Variants in BTBD8 observed in about 807,000 individuals in gnomAD.
BTBD8 encodes the protein BTB/POZ domain-containing protein 8.
In BTBD8, 110 loss-of-function variants were observed where a neutral mutation model predicts 162.9. The observed-to-expected ratio is 0.68, with a 90% CI of 0.58 to 0.79. The LOEUF (loss-of-function observed/expected upper bound fraction) is 0.79. BTBD8 is among the 30% of genes least tolerant of loss of function. The pLI, the probability that BTBD8 is intolerant of heterozygous loss-of-function variation, is 0.00. For synonymous variants in BTBD8, 667 were observed against 716.1 expected (o/e 0.93, Z 1.10); for missense variants, 1,905 against 2,085.4 (o/e 0.91, Z 1.68).
Position 92,141,181 on chromosome 1 carries a change from A to T in BTBD8, c.900A>T (p.Leu300Phe), listed in dbSNP as rs1374327222. The change falls in exon 7 of 18, where the codon TTA becomes TTT. Residue 300 changes from leucine to phenylalanine, a missense_variant. Physicochemically the swap from Leu to Phe is conservative, Grantham distance 22. Coordinates refer to ENST00000636805, the MANE Select transcript of BTBD8 (RefSeq NM_001376131.1). ...EGLKEVAIYILRRDYCNFFQK... is the reference protein window; with the variant it reads ...EGLKEVAIYIFRRDYCNFFQK... ...TAAAAGAAGTAGCAATCTATATTTT[A>T]AGAAGAGATTACTGTAATTTCTTTC... is the stretch of plus-strand genomic sequence containing the variant. The T allele has an allele frequency of 6.3e-7, 1 of 1,585,760 alleles. No individual in the cohort carries two copies. The highest frequency in any genetic ancestry group is 8.6e-7 in the Non-Finnish European group (1 of 1,163,540).
chr1:92,179,647 A>G (rs1650828581), intron 16 of BTBD8, among the ~76,000 whole-genome samples: 4 of 152,204 alleles, frequency 2.6e-5, no homozygotes, highest in Admixed American at 6.5e-5. Flanking sequence ...GACTTTCACC[A>G]GTATAAACAA....
Position 92,088,718 on chromosome 1 carries a change from A to G in BTBD8, c.170A>G (p.His57Arg), listed in dbSNP as rs1352991500. Reference protein sequence around the residue: ...DLLRLLREEFHTDVTFSVGCT... With the variant: ...DLLRLLREEFRTDVTFSVGCT... ...TATAGGCTTCTAAGGGAAGAATTCC[A>G]TACAGATGTTACCTTCTCTGTGGGT... The change falls in exon 2 of 18, where the codon CAT becomes CGT. Residue 57 changes from histidine to arginine, a missense_variant. Coordinates refer to ENST00000636805, the MANE Select transcript of BTBD8 (RefSeq NM_001376131.1). 2.5e-6 allele frequency: 4 copies of G among 1,607,322 alleles called. No homozygotes were observed. The highest frequency in any genetic ancestry group is 1.7e-6 in the Non-Finnish European group (2 of 1,176,782).
rs75212872 is a variant in BTBD8 at position 92,183,941 on chromosome 1, T to A, written c.4990T>A (p.Tyr1664Asn). The part of the protein sequence containing the change: ...HRPSKTLSPI[Y>N]EMDVIEAFEQ... ...GCCTTCAAAAACCCTGTCTCCAATA[T>A]ATGAGATGGATGTAATAGAAGCATT... Residue 1664 changes from tyrosine to asparagine, a missense_variant, in exon 18 of 18, where the codon TAT becomes AAT. Physicochemically the swap from Tyr to Asn is moderately radical, Grantham distance 143. Coordinates refer to ENST00000636805, the MANE Select transcript of BTBD8 (RefSeq NM_001376131.1). The A allele has an allele frequency of 2.1e-4, 327 of 1,551,614 alleles. No homozygotes were observed. The highest frequency in any genetic ancestry group is 2.7e-4 in the Non-Finnish European group (310 of 1,146,864).
At chr1:92,138,633 G>A (rs143205208) in intron 5 of BTBD8, among the ~76,000 whole-genome samples, 50 of 152,334 alleles carry the variant, frequency 3.3e-4, no homozygotes, top group African/African-American at 8.7e-4. Flanking sequence ...CCTCCCAACT[G>A]ATAACCAGTT....
intron 6 of BTBD8, chr1:92,139,930 T>TAA (rs1649728390): frequency 1.5e-3 from 4 of 2,728 alleles, no homozygotes; most frequent in South Asian, 9.6e-3. Context: ...CTACTAAAAA[T>TAA]ACAAAAAAAA....
intron 8 of BTBD8, 87 bp from the exon 9 acceptor site, chr1:92,147,595 TAC>T: frequency 1.1e-6 from 1 of 918,364 alleles, no homozygotes; most frequent in South Asian, 1.6e-5. Flanking sequence ...CATATATATG[TAC>T]AGTTATGTAA....
rs137986561 is a variant in BTBD8, at chr1:92,153,721, A to G, written c.1122+5935A>G. 9.7e-4 allele frequency among the ~76,000 whole-genome samples: 148 copies of G among 152,336 alleles called. 3 individuals carry two copies. The East Asian group carries it at 0.027, about 28-fold the overall frequency. On this transcript the variant is annotated intron_variant, in intron 9 of 17. Transcript: ENST00000636805. ...TAAAGAATGAATAATGTTCTGCTATATGTATACACCACATTTTCTTTATCC... is the reference window on the plus strand; with the variant it reads ...TAAAGAATGAATAATGTTCTGCTATGTGTATACACCACATTTTCTTTATCC...
At chr1:92,091,316 G>T (rs935316077) in intron 2 of BTBD8, among the ~76,000 whole-genome samples, 1 of 152,084 alleles carries the variant, frequency 6.6e-6, no homozygotes. Flanking sequence ...TAAGTTTCAT[G>T]AGGCCTCCCC....
In BTBD8 at chr1:92,141,157, A is replaced by G; in HGVS notation, c.876A>G (p.Leu292=). 1.3e-6 allele frequency: 2 copies of G among 1,583,732 alleles called. No homozygotes were observed. Among genetic ancestry groups the G allele is most frequent in the South Asian group, 1.1e-5 (1 of 88,210 alleles). Residue 292 remains leucine (L), a synonymous_variant, in exon 7 of 18, where the codon TTA becomes TTG. Transcript: ENST00000636805. ...CTGATATGTATGGACTAGAAGGATT[A>G]AAAGAAGTAGCAATCTATATTTTAA... ...NMADMYGLEG[L]KEVAIYILRR...
Position 92,143,753 on chromosome 1 carries a change from C to G in BTBD8, c.930+2542C>G, listed in dbSNP as rs1649834872. ...TCTTGAACTCCTGACCTCAGGTGATCCACCCACCTTGCCCTCCCAAAGTGC... is the reference window on the plus strand; with the variant it reads ...TCTTGAACTCCTGACCTCAGGTGATGCACCCACCTTGCCCTCCCAAAGTGC... On this transcript the variant is annotated intron_variant, in intron 7 of 17. Transcript: ENST00000636805. 2.0e-5 allele frequency among the ~76,000 whole-genome samples: 3 copies of G among 151,090 alleles called. No homozygotes were observed. The South Asian group carries it at 6.3e-4, about 32-fold the overall frequency.
At chr1:92,093,717 G>A (rs1277791914) in intron 2 of BTBD8, among the ~76,000 whole-genome samples, 3 of 152,194 alleles carry the variant, frequency 2.0e-5, no homozygotes, top group Admixed American at 6.5e-5. Context: ...AGTGGCCTGG[G>A]CATGTGGTAA....
At chr1:92,168,318 ATG>A (rs1167213544) in intron 11 of BTBD8, among the ~76,000 whole-genome samples, 17 of 13,838 alleles carry the variant, frequency 1.2e-3, no homozygotes, top group Middle Eastern at 0.038. Flanking sequence ...TAGATATAAA[ATG>A]TATATTTTAG....
chr1:92,177,880 A>T lies in BTBD8; in HGVS notation c.2423A>T (p.Asp808Val). 7.2e-6 allele frequency: 11 copies of T among 1,525,628 alleles called. No individual in the cohort carries two copies. Among genetic ancestry groups the T allele is most frequent in the Non-Finnish European group, 9.8e-6 (11 of 1,123,940 alleles). The allele number at this position is 1,525,628 out of a possible 1,614,324, so 94.5% of individuals were successfully genotyped here. A position where few individuals can be genotyped will look rare whatever the true frequency, so the allele number is the denominator to read the frequency against. The part of the protein sequence containing the change: ...TSNKKSIHEQ[D>V]TNVNNSVLKK... ...AATAAAAAAAGTATTCATGAACAAG[A>T]CACTAATGTAAATAACAGGTAGGTC... is the stretch of plus-strand genomic sequence containing the variant. Residue 808 changes from aspartate to valine, a missense_variant, in exon 15 of 18, where the codon GAC becomes GTC. This residue lies in a region of BTBD8 where 1,374 missense variants were observed against 1,442.7 expected (regional missense o/e 0.95). Transcript: ENST00000636805.
At chr1:92,171,031 T>G (rs1650525412) in intron 12 of BTBD8, among the ~76,000 whole-genome samples, 1 of 152,018 alleles carries the variant, frequency 6.6e-6, no homozygotes, top group African/African-American at 2.4e-5. Flanking sequence ...AATGTTACAT[T>G]TGCTATAATC....
In BTBD8 at chr1:92,182,322, A is replaced by G; in HGVS notation, c.4639A>G (p.Arg1547Gly). Residue 1547 changes from arginine (R) to glycine (G), a missense_variant, in exon 17 of 18, where the codon AGA (arginine) becomes GGA (glycine). By Grantham distance (125) the Arg-to-Gly change is moderately radical (BLOSUM62 -2). Around this residue, in one of 3 missense-constraint regions of BTBD8, gnomAD observed 517 missense variants for 606.6 expected, o/e 0.85. Coordinates refer to ENST00000636805, the MANE Select transcript of BTBD8 (RefSeq NM_001376131.1). ...NTIDVLSSRS[R>G]QLLREDKKVN... Reference sequence around the variant, plus strand: ...AATAGACGTCCTATCCAGTAGAAGCAGACAGCTTCTTCGAGAAGATAAAAA... The same window carrying G: ...AATAGACGTCCTATCCAGTAGAAGCGGACAGCTTCTTCGAGAAGATAAAAA... 6.4e-7 allele frequency: 1 copy of G among 1,550,938 alleles called. No homozygotes were observed. Among genetic ancestry groups the G allele is most frequent in the Non-Finnish European group, 8.7e-7 (1 of 1,146,748 alleles).
At chr1:92,088,462 CT>C (rs777293089) in intron 1 of BTBD8, among the ~76,000 whole-genome samples, 57 of 152,150 alleles carry the variant, frequency 3.7e-4, no homozygotes, top group South Asian at 6.2e-4. Context: ...AAACAGTAGT[CT>C]TACTCTTTTA....
At chr1:92,158,497 TC>T (rs1301848312) in intron 9 of BTBD8, among the ~76,000 whole-genome samples, 4 of 152,150 alleles carry the variant, frequency 2.6e-5, no homozygotes, top group Admixed American at 6.6e-5. Flanking sequence ...TCTACACTTC[TC>T]CCCCCACACA....
rs1186151203 is a variant in BTBD8 at position 92,080,435 on chromosome 1, G to C, written c.-137G>C. The C allele has an allele frequency of 3.1e-6, 4 of 1,282,658 alleles. No individual in the cohort carries two copies. The African/African-American group carries it at 4.6e-5, about 15-fold the overall frequency. 79.5% of individuals were successfully genotyped at this position (1,282,658 alleles called of 1,614,324 possible). On this transcript the variant is annotated 5_prime_UTR_variant, in exon 1 of 18. Transcript: ENST00000636805. ...TGGGAGACTGTCTACAAACCGACGA[G>C]AGGCGTCAACCTTTTACCCTAGGGG...
At chr1:92,095,389 C>G (rs994344603) in intron 2 of BTBD8, among the ~76,000 whole-genome samples, 4 of 152,160 alleles carry the variant, frequency 2.6e-5, no homozygotes, top group African/African-American at 9.7e-5. Flanking sequence ...TCTGACCAAC[C>G]CTGTTGCTTC....
Sources: gnomAD v4.1 joint callset for allele counts (sites outside exome capture counted in the v4.1 genomes callset) on GRCh38, gnomAD v4.1.1 for gene constraint, gnomAD v4.1.1 regional missense constraint, MANE v1.5 for transcripts, NCBI Gene and HGNC (gene_info 2026-07-23, HGNC 2026-07-21) for gene names.